WDR20: variants seen among roughly 807,000 people sequenced by gnomAD.
WDR20 encodes WD repeat domain 20.
Under a neutral mutation model 38.7 loss-of-function variants are expected in WDR20, and 3 were observed. The observed-to-expected ratio is 0.08, with a 90% confidence interval of 0.04 to 0.20. WDR20 has a LOEUF of 0.20. Ranked by LOEUF, WDR20 falls within the 10% of genes least tolerant of loss-of-function variation. The pLI is 1.00. For synonymous variants in WDR20, 298 were observed against 285.6 expected (o/e 1.04, Z -0.44); for missense variants, 559 against 727.7 (o/e 0.77, Z 2.67).
intron 1 of WDR20, among the ~76,000 whole-genome samples, chr14:102,188,726 T>C (rs2065505323): frequency 6.7e-6 from 1 of 148,982 alleles, no homozygotes. Context: ...AAAAAAAAAT[T>C]AGTTGGGCAT....
intron 1 of WDR20, among the ~76,000 whole-genome samples, chr14:102,156,512 AAGTTAT>A (rs1334430106): frequency 2.6e-5 from 4 of 152,048 alleles, no homozygotes; most frequent in African/African-American, 4.8e-5. Flanking sequence ...AATTTTTGAA[AAGTTAT>A]AGTTATTTAG....
intron 1 of WDR20, chr14:102,193,652 G>A: frequency 1.4e-6 from 1 of 700,850 alleles, no homozygotes; most frequent in Non-Finnish European, 2.2e-6. Context: ...CTGTAATTTT[G>A]AGGTCCTCTT....
rs35097607 is a variant in WDR20 at position 102,220,719 on chromosome 14, CA to C, written c.1693-2093del. Among the ~76,000 whole-genome samples the C allele has an allele frequency of 0.63, 70,406 of 111,446 alleles. 21,389 individuals carry two copies. The highest frequency in any genetic ancestry group is 0.88 in the East Asian group (3,091 of 3,512). The allele number at this position is 111,446 out of a possible 152,430, so 73.1% of individuals were successfully genotyped here. A position where few individuals can be genotyped will look rare whatever the true frequency, so the allele number is the denominator to read the frequency against. ...TGGACAACAAAGTGAGACTCCGTCT[CA>C]AAAAAAAAAAAAAAAAAGAAAATAT... On this transcript the variant is annotated intron_variant, in intron 3 of 3. Coordinates refer to the WDR20 transcript ENST00000335263. This position sits in a 1 kb window ranked among gnomAD's most constrained non-coding sequence, Gnocchi z 4.2.
At chr14:102,153,998 CTA>C (rs1425723633) in intron 1 of WDR20, among the ~76,000 whole-genome samples, 4 of 152,182 alleles carry the variant, frequency 2.6e-5, no homozygotes, top group Non-Finnish European at 5.9e-5. Context: ...CCTTGTCTCA[CTA>C]TGTTAAAAAT....
intron 1 of WDR20, among the ~76,000 whole-genome samples, chr14:102,173,862 C>G (rs990190058): frequency 1.4e-4 from 21 of 152,070 alleles, no homozygotes; most frequent in South Asian, 1.0e-3. Flanking sequence ...GGCTAACATG[C>G]TGAAACCCCA....
upstream of WDR20, chr14:102,139,655 G>C: frequency 1.5e-6 from 1 of 647,174 alleles, no homozygotes; most frequent in Non-Finnish European, 2.6e-6. Context: ...GCATCACCTG[G>C]GAAGCAGCCA....
rs1056511039 is a variant in WDR20, at chr14:102,210,401, G to A, written c.*521G>A. The A allele has an allele frequency of 1.0e-6, 1 of 985,326 alleles. No homozygotes were observed. Among genetic ancestry groups the A allele is most frequent in the Non-Finnish European group, 1.2e-6 (1 of 829,948 alleles). The allele number at this position is 985,326 out of a possible 1,614,324, so 61.0% of individuals were successfully genotyped here. On this transcript the variant is annotated 3_prime_UTR_variant, in exon 3 of 3. Transcript: ENST00000342702. ...ACTTTAGGAACAAAACGTTTAGCAGGGTTGATTGATATTATTTTTACATTG... is the reference window on the plus strand; with the variant it reads ...ACTTTAGGAACAAAACGTTTAGCAGAGTTGATTGATATTATTTTTACATTG...
chr14:102,187,823 C>G (rs1277203064), intron 1 of WDR20, among the ~76,000 whole-genome samples: 1 of 152,146 alleles, frequency 6.6e-6, no homozygotes, highest in Non-Finnish European at 1.5e-5. Flanking sequence ...GGGGACCCAA[C>G]AGAGCGCCAA....
At chr14:102,146,944 T>C (rs767169729) in intron 1 of WDR20, among the ~76,000 whole-genome samples, 26 of 152,234 alleles carry the variant, frequency 1.7e-4, no homozygotes, top group Non-Finnish European at 1.2e-4. Context: ...AACTTGTGTT[T>C]CTTTTCCATT....
At chr14:102,173,255 G>C (rs1238139731) in intron 1 of WDR20, among the ~76,000 whole-genome samples, 2 of 151,140 alleles carry the variant, frequency 1.3e-5, no homozygotes, top group Non-Finnish European at 3.0e-5. Flanking sequence ...TGGAACTACA[G>C]GCTTGTGCCA....
intron 2 of WDR20, among the ~76,000 whole-genome samples, chr14:102,196,786 C>T (rs543705079): frequency 6.6e-6 from 1 of 152,332 alleles, no homozygotes; most frequent in South Asian, 2.1e-4. Flanking sequence ...GCTCCTCATT[C>T]TTCATGATTT....
intron 1 of WDR20, chr14:102,193,531 G>A: frequency 6.2e-7 from 1 of 1,611,702 alleles, no homozygotes; most frequent in Admixed American, 1.7e-5. Context: ...CTGGGAGAGT[G>A]TCCGCATGGC....
At chr14:102,195,963 A>C (rs530294615) in intron 2 of WDR20, 1 of 152,336 alleles carries the variant, frequency 6.6e-6, no homozygotes, top group Admixed American at 6.5e-5. Context: ...CTTGCCCCTG[A>C]GGCGCAAGGG....
intron 1 of WDR20, among the ~76,000 whole-genome samples, chr14:102,148,236 G>A (rs2054372932): frequency 6.6e-6 from 1 of 152,142 alleles, no homozygotes; most frequent in Admixed American, 6.5e-5. Flanking sequence ...TTAATTTTCA[G>A]GACACTTGAA....
intron 1 of WDR20, among the ~76,000 whole-genome samples, chr14:102,179,986 C>T (rs992514358): frequency 3.3e-5 from 5 of 152,130 alleles, no homozygotes; most frequent in Non-Finnish European, 5.9e-5. Flanking sequence ...AACCCTGTCT[C>T]TACTAAAAAT....
At chr14:102,194,195 T>C (rs1160454209) in intron 1 of WDR20, among the ~76,000 whole-genome samples, 5 of 152,236 alleles carry the variant, frequency 3.3e-5, no homozygotes, top group Middle Eastern at 3.2e-3. Context: ...TTGTCCACTT[T>C]GGAGCATTAT....
chr14:102,149,187 A>G (rs1029365837), intron 1 of WDR20, among the ~76,000 whole-genome samples: 1 of 152,102 alleles, frequency 6.6e-6, no homozygotes. Context: ...CAAAAAATAC[A>G]TACATAAATA....
chr14:102,212,167 G>T (rs993046720), downstream of WDR20, among the ~76,000 whole-genome samples: 8 of 152,294 alleles, frequency 5.3e-5, no homozygotes, highest in East Asian at 1.4e-3. Flanking sequence ...TAGTATGGAG[G>T]CCTGTGTGTG....
chr14:102,161,142 A>ATATATATATATATATATATATATATTT (rs1342924049), intron 1 of WDR20, among the ~76,000 whole-genome samples: 1 of 16,048 alleles, frequency 6.2e-5, no homozygotes, highest in Non-Finnish European at 9.5e-5. Flanking sequence ...ATATATATAT[A>ATATATATATATATATATATATATATTT]TTTTTTTTTT....
Sources: gnomAD v4.1 joint callset for allele counts (sites outside exome capture counted in the v4.1 genomes callset) on GRCh38, gnomAD v4.1.1 for gene constraint, Gnocchi (gnomAD v3.1) non-coding constraint, MANE v1.5 for transcripts, NCBI Gene and HGNC (gene_info 2026-07-23, HGNC 2026-07-21) for gene names.